The following GRM4 variants were observed in gnomAD, a reference collection of about 807,000 sequenced individuals.
The protein encoded by GRM4 is glutamate metabotropic receptor 4.
A neutral mutation model predicts 81.7 loss-of-function variants in GRM4; 28 were observed. The ratio of observed to expected loss-of-function variants is 0.34; its 90% CI spans 0.25 to 0.47. The LOEUF (loss-of-function observed/expected upper bound fraction) is 0.47, where lower values mean the gene tolerates loss of function less well. GRM4 is among the 20% of genes least tolerant of loss of function. The pLI, the probability that GRM4 is intolerant of heterozygous loss-of-function variation, is 1.00. For synonymous variants in GRM4, 488 were observed against 528.8 expected (o/e 0.92, Z 1.06); for missense variants, 948 against 1,290.0 (o/e 0.73, Z 4.06).
intron 1 of GRM4, among the ~76,000 whole-genome samples, chr6:34,134,365 G>T (rs560475240): frequency 6.6e-6 from 1 of 152,258 alleles, no homozygotes; most frequent in Non-Finnish European, 1.5e-5. Flanking sequence ...GTCAGCTCTG[G>T]AACCCGAGAC....
chr6:34,084,939 T>C (rs1295890397), intron 3 of GRM4, among the ~76,000 whole-genome samples: 1 of 152,170 alleles, frequency 6.6e-6, no homozygotes, highest in Non-Finnish European at 1.5e-5. Flanking sequence ...CATCCCTTTT[T>C]TTACTTATTC....
At chr6:34,058,922 C>T (rs1017266017) in intron 5 of GRM4, 52 bp downstream of exon 5, 9 of 1,450,768 alleles carry the variant, frequency 6.2e-6, no homozygotes, top group Non-Finnish European at 8.6e-6. Context: ...GGAGGGATGG[C>T]AGGAGGAGCA....
rs1389167062 is a variant in GRM4, at chr6:34,136,309, C to A, written c.-363-2450G>T. Among the ~76,000 whole-genome samples, 1 of 152,130 alleles carries A rather than the reference C, an allele frequency of 6.6e-6. No homozygotes were observed. The highest frequency in any genetic ancestry group is 2.4e-5 in the African/African-American group (1 of 41,434). On this transcript the variant is annotated intron_variant, in intron 1 of 10. Coordinates refer to ENST00000538487, the MANE Select transcript of GRM4 (RefSeq NM_000841.4). This position sits in a 1 kb window ranked among gnomAD's most constrained non-coding sequence, Gnocchi z 4.1. ...GCTCCTCTGTGCTGGCCCAGAGGAT[C>A]TCTCAGGCCTTGCCAGTTCTAAGGT...
In GRM4 at chr6:34,068,401, G is replaced by C. The variant is rs143739699; in HGVS notation, c.737-6373C>G. 3.1e-4 allele frequency among the ~76,000 whole-genome samples: 47 copies of C among 152,270 alleles called. 1 individual carries two copies. The highest frequency in any genetic ancestry group is 1.1e-3 in the African/African-American group (45 of 41,548). On this transcript the variant is annotated intron_variant, in intron 3 of 10. Transcript: ENST00000538487. This position sits in a 1 kb window ranked among gnomAD's most constrained non-coding sequence, Gnocchi z 4.2. ...TCACATTTCTGTCCTGCACGACCTG[G>C]GGTTGTCTGAGCCTGAGGTGAGCTT...
At chr6:34,154,701 T>C (rs1290928284) in intron 1 of GRM4, among the ~76,000 whole-genome samples, 1 of 151,434 alleles carries the variant, frequency 6.6e-6, no homozygotes, top group African/African-American at 2.4e-5. Context: ...GACAGACACG[T>C]GGGGGGGAGT....
Position 34,028,189 on chromosome 6 carries a change from TG to T in GRM4, c.2619del (p.Phe873LeufsTer84), listed in dbSNP as rs748174828. On this transcript the variant is annotated frameshift_variant, in exon 10 of 11. Transcript: ENST00000538487. LOFTEE classifies it high-confidence loss of function. Reference protein sequence around the residue: ...VVTAATMSNKFTQKGNFRPNG... With the variant: ...VVTAATMSNKXTQKGNFRPNG... ...TTGGGCCGGAAGTTGCCCTTCTGCG[TG>T]AACTTGTTGGACATGGTGGCCGCCG... is the stretch of plus-strand genomic sequence containing the variant. 34 of 1,613,892 alleles carry T rather than the reference TG, an allele frequency of 2.1e-5. No homozygotes were observed. In the South Asian group the frequency reaches 3.7e-4, roughly 18 times the overall value.
At chr6:34,060,935 A>G (rs982790092) in intron 4 of GRM4, 6 of 152,250 alleles carry the variant, frequency 3.9e-5, no homozygotes, top group African/African-American at 1.4e-4. Flanking sequence ...GCCCTCCTCC[A>G]TCCCTCCAGG....
intron 3 of GRM4, among the ~76,000 whole-genome samples, chr6:34,067,429 C>CTTT (rs1766531192): frequency 8.1e-6 from 1 of 122,986 alleles, no homozygotes; most frequent in African/African-American, 3.6e-5. Context: ...TCCGTCCTTC[C>CTTT]CTCCCTCCGT....
At chr6:34,150,320 A>C (rs1377727010), upstream of GRM4, among the ~76,000 whole-genome samples, 1 of 152,200 alleles carries the variant, frequency 6.6e-6, no homozygotes, top group East Asian at 1.9e-4. Context: ...TTTATGATAG[A>C]GTACATTTGG....
intron 3 of GRM4, among the ~76,000 whole-genome samples, chr6:34,065,573 T>C (rs556290325): frequency 6.6e-6 from 1 of 152,190 alleles, no homozygotes. Flanking sequence ...CTCCTTGGCT[T>C]TCCTGGGTCT....
chr6:34,040,220 C>T lies in GRM4; in HGVS notation c.1464G>A (p.Glu488=), dbSNP rs531031558. 4 of 1,613,996 alleles carry T rather than the reference C, an allele frequency of 2.5e-6. No individual in the cohort carries two copies. Among genetic ancestry groups the T allele is most frequent in the African/African-American group, 1.3e-5 (1 of 74,952 alleles). ...YQYQLRNDSA[E]YKVIGSWTDH... The stretch of plus-strand genomic sequence containing the variant: ...CAGTCCAGGAGCCAATGACCTTGTA[C>T]TCGGCAGAATCGTTGCGCAGCTGGT... The change falls in exon 8 of 11, where the codon GAG becomes GAA. Residue 488 remains glutamate (E), a synonymous_variant. Transcript: ENST00000538487.
In GRM4 at chr6:34,062,007, G is replaced by T; in HGVS notation, c.758C>A (p.Ser253Ter). The change falls in exon 4 of 11, where the codon TCG (serine) becomes TAG (stop). Residue 253 changes from serine to a stop codon, truncating the protein, a stop_gained. Transcript: ENST00000538487. LOFTEE classifies it high-confidence loss of function. Reference protein sequence around the residue: ...REDGGVCIAQSVKIPREPKAG... With the variant: ...REDGGVCIAQ ...CTTGGGCTCCCGTGGTATCTTCACC[G>T]ACTGGGCGATGCACACGCCCCCTGC... The T allele has an allele frequency of 6.2e-7, 1 of 1,613,344 alleles. No individual in the cohort carries two copies. The highest frequency in any genetic ancestry group is 8.5e-7 in the Non-Finnish European group (1 of 1,179,442).
chr6:34,068,897 C>CCTAT lies in GRM4; in HGVS notation c.737-6870_737-6869insATAG, dbSNP rs1766629657. The stretch of plus-strand genomic sequence containing the variant: ...CAGCTGGTCCTGAGGCCAGCAGAGA[C>CCTAT]ATAGGCACATCCTCGCTTTCTCCCT... On this transcript the variant is annotated intron_variant, in intron 3 of 10. Coordinates refer to ENST00000538487, the MANE Select transcript of GRM4 (RefSeq NM_000841.4). This position sits in a 1 kb window ranked among gnomAD's most constrained non-coding sequence, Gnocchi z 4.2. Among the ~76,000 whole-genome samples, 1 of 152,200 alleles carries CCTAT rather than the reference C, an allele frequency of 6.6e-6. No individual in the cohort carries two copies. Among genetic ancestry groups the CCTAT allele is most frequent in the African/African-American group, 2.4e-5 (1 of 41,444 alleles).
intron 3 of GRM4, among the ~76,000 whole-genome samples, chr6:34,086,443 G>A (rs1345594476): frequency 6.6e-6 from 1 of 152,190 alleles, no homozygotes; most frequent in Admixed American, 6.5e-5. Context: ...CAAGAGGTAG[G>A]GCCTCAGAAT....
chr6:34,129,932 G>GAAGGAAAGCTATC (rs1302186926), intron 2 of GRM4, among the ~76,000 whole-genome samples: 1 of 152,170 alleles, frequency 6.6e-6, no homozygotes, highest in African/African-American at 2.4e-5. Flanking sequence ...CCTCTTGCAG[G>GAAGGAAAGCTATC]AAGGAAAGCT....
rs1316022947 is a variant in GRM4, at chr6:34,069,202, A to ACACACGCACG, written c.737-7175_737-7174insCGTGCGTGTG. ...CACACACACACACACACACACACAC[A>ACACACGCACG]CACGCACGCACACACGGCTCCTTCC... On this transcript the variant is annotated intron_variant, in intron 3 of 10. Transcript: ENST00000538487. This position sits in a 1 kb window ranked among gnomAD's most constrained non-coding sequence, Gnocchi z 6.4. Among the ~76,000 whole-genome samples the ACACACGCACG allele has an allele frequency of 4.4e-4, 62 of 142,278 alleles. No individual in the cohort carries two copies. In the South Asian group the frequency reaches 6.8e-3, roughly 16 times the overall value. The allele number at this position is 142,278 out of a possible 152,430, so 93.3% of individuals were successfully genotyped here.
chr6:34,067,324 T>C (rs1344494423), intron 3 of GRM4, among the ~76,000 whole-genome samples: 3 of 152,020 alleles, frequency 2.0e-5, no homozygotes, highest in East Asian at 1.9e-4. Context: ...GGGTCAGGTC[T>C]ATGTCCTTTC....
chr6:34,122,707 C>T (rs2499728), intron 2 of GRM4, among the ~76,000 whole-genome samples: 77,982 of 151,354 alleles, frequency 0.52, 20,370 homozygotes, highest in Admixed American at 0.59. Flanking sequence ...ACCAAGGCCC[C>T]GGGCTGGCGG....
intron 9 of GRM4, among the ~76,000 whole-genome samples, chr6:34,033,316 T>G (rs1462253959): frequency 6.6e-6 from 1 of 151,922 alleles, no homozygotes; most frequent in African/African-American, 2.4e-5. Flanking sequence ...AGATGACCCT[T>G]GAGGAGCTGT....
Sources: allele counts gnomAD v4.1 joint callset (sites outside exome capture counted in the v4.1 genomes callset), GRCh38; gene constraint gnomAD v4.1.1; non-coding constraint Gnocchi (gnomAD v3.1); transcripts MANE v1.5; gene names NCBI Gene and HGNC (gene_info 2026-07-23, HGNC 2026-07-21).